The following CACNB2 variants were observed in gnomAD, a reference collection of about 807,000 sequenced individuals.
CACNB2 encodes voltage-dependent L-type calcium channel subunit beta-2.
A neutral mutation model predicts 73.3 loss-of-function variants in CACNB2; 42 were observed. That is an observed-to-expected ratio of 0.57 (90% CI 0.45 to 0.74). The LOEUF (loss-of-function observed/expected upper bound fraction) is 0.74, where lower values mean the gene tolerates loss of function less well. Among genes scored for constraint, CACNB2 ranks in the 30% least tolerant of loss-of-function variants. The pLI is 0.00. For missense variants in CACNB2, 940 were observed against 853.0 expected, an observed-to-expected ratio of 1.10 and a Z score of -1.27; for synonymous variants, 348 against 310.3, an observed-to-expected ratio of 1.12 and a Z score of -1.28.
At chr10:18,203,634 C>A (rs1341956352) in intron 2 of CACNB2, among the ~76,000 whole-genome samples, 2 of 152,002 alleles carry the variant, frequency 1.3e-5, no homozygotes, top group African/African-American at 2.4e-5. Context: ...AGAAACATAA[C>A]GGGGCGAGTG....
At chr10:18,382,227 A>G (rs2043049425) in intron 2 of CACNB2, among the ~76,000 whole-genome samples, 1 of 151,942 alleles carries the variant, frequency 6.6e-6, no homozygotes, top group African/African-American at 2.4e-5. Flanking sequence ...CATTGTCTAG[A>G]ATTTTCCAGA....
At chr10:18,275,884 C>T (rs531862003) in intron 2 of CACNB2, among the ~76,000 whole-genome samples, 1 of 152,150 alleles carries the variant, frequency 6.6e-6, no homozygotes, top group African/African-American at 2.4e-5. Context: ...ACTTTACTAT[C>T]AGTTGTTATT....
intron 2 of CACNB2, among the ~76,000 whole-genome samples, chr10:18,185,446 G>T (rs552416300): frequency 4.9e-4 from 74 of 152,240 alleles, no homozygotes; most frequent in Non-Finnish European, 8.2e-4. Context: ...TATTTGAGCA[G>T]GGTTATAATG....
chr10:18,470,429 A>G (rs2048122580), intron 3 of CACNB2, among the ~76,000 whole-genome samples: 1 of 150,032 alleles, frequency 6.7e-6, no homozygotes, highest in Admixed American at 6.7e-5. Context: ...CATATGGTGT[A>G]TATTATATGT....
At chr10:18,498,587 AG>A in intron 4 of CACNB2, 110 bp downstream of exon 4, 2 of 1,070,664 alleles carry the variant, frequency 1.9e-6, no homozygotes. Context: ...ACATCGCTGC[AG>A]TTGTATAACA....
intron 5 of CACNB2, among the ~76,000 whole-genome samples, chr10:18,501,581 G>A (rs932051803): frequency 2.6e-5 from 4 of 152,334 alleles, no homozygotes; most frequent in South Asian, 2.1e-4. Context: ...AAGGCTTCTC[G>A]TAGATGTACT....
chr10:18,390,804 A>G (rs535816404), intron 2 of CACNB2, among the ~76,000 whole-genome samples: 21 of 152,340 alleles, frequency 1.4e-4, no homozygotes, highest in African/African-American at 4.8e-4. Context: ...TATATTCGCA[A>G]CCATCTGTAA....
At chr10:18,258,129 C>A (rs560470250) in intron 2 of CACNB2, among the ~76,000 whole-genome samples, 1 of 152,176 alleles carries the variant, frequency 6.6e-6, no homozygotes, top group African/African-American at 2.4e-5. Context: ...CAGCACTGAG[C>A]AAACAGAAGG....
chr10:18,244,734 A>C (rs2036795304), intron 2 of CACNB2, among the ~76,000 whole-genome samples: 1 of 152,198 alleles, frequency 6.6e-6, no homozygotes, highest in South Asian at 2.1e-4. Context: ...TCGCCCCCCA[A>C]AGATGTCCAT....
At chr10:18,163,723 T>C (rs150766653) in intron 2 of CACNB2, among the ~76,000 whole-genome samples, 3 of 152,296 alleles carry the variant, frequency 2.0e-5, no homozygotes, top group African/African-American at 7.2e-5. Context: ...TTTGGAACTT[T>C]TCAAAATTAA....
At chr10:18,371,225 CTTTAAG>C (rs1008903502) in intron 2 of CACNB2, among the ~76,000 whole-genome samples, 1 of 151,694 alleles carries the variant, frequency 6.6e-6, no homozygotes, top group African/African-American at 2.4e-5. Flanking sequence ...TTTAATTATA[CTTTAAG>C]TTTTAGGGTA....
At chr10:18,539,103 G>C in intron 13 of CACNB2, 127 bp from the exon 14 acceptor site, 1 of 1,174,914 alleles carries the variant, frequency 8.5e-7, no homozygotes, top group African/African-American at 1.5e-5. Context: ...AAGGGATGAA[G>C]CTAGGTTAGA....
At chr10:18,286,805 G>T (rs1192735539) in intron 2 of CACNB2, among the ~76,000 whole-genome samples, 1 of 152,038 alleles carries the variant, frequency 6.6e-6, no homozygotes, top group African/African-American at 2.4e-5. Flanking sequence ...TATCACTGTG[G>T]CTTGTTACCA....
chr10:18,416,834 G>T (rs2044997094), intron 3 of CACNB2, among the ~76,000 whole-genome samples: 1 of 152,094 alleles, frequency 6.6e-6, no homozygotes, highest in South Asian at 2.1e-4. Context: ...AGTGGAAGCA[G>T]ATATAGTTAC....
intron 3 of CACNB2, among the ~76,000 whole-genome samples, chr10:18,487,838 C>CA (rs35224466): frequency 2.5e-3 from 347 of 136,162 alleles, no homozygotes; most frequent in Admixed American, 4.2e-3. Flanking sequence ...GACTCCATCT[C>CA]AAAAAAAAAA....
rs540335164 is a variant in CACNB2, at chr10:18,454,050, G to A, written c.334-44305G>A. ...AAGCCCAGCGCCTTTCCCACAATAG[G>A]TATTGTATAAATAATGAATGAATGA... On this transcript the variant is annotated intron_variant, in intron 3 of 13. Transcript: ENST00000324631. 3.1e-4 allele frequency among the ~76,000 whole-genome samples: 47 copies of A among 152,244 alleles called. No individual in the cohort carries two copies. The South Asian group carries it at 3.7e-3, about 12-fold the overall frequency.
At chr10:18,216,766 C>T (rs1397746775) in intron 2 of CACNB2, among the ~76,000 whole-genome samples, 2 of 152,120 alleles carry the variant, frequency 1.3e-5, no homozygotes, top group African/African-American at 2.4e-5. Context: ...TTCAGCTATT[C>T]CTTAATCTCT....
At chr10:18,201,964 T>C (rs2034900889) in intron 2 of CACNB2, among the ~76,000 whole-genome samples, 1 of 152,208 alleles carries the variant, frequency 6.6e-6, no homozygotes, top group Non-Finnish European at 1.5e-5. Context: ...TCTCATAATT[T>C]CTTCAACAAG....
chr10:18,449,002 G>T (rs1162867024), intron 3 of CACNB2, among the ~76,000 whole-genome samples: 1 of 152,166 alleles, frequency 6.6e-6, no homozygotes, highest in Non-Finnish European at 1.5e-5. Context: ...GTCTGTAAGT[G>T]AACAAATGGA....
Sources: gnomAD v4.1 joint callset for allele counts (sites outside exome capture counted in the v4.1 genomes callset) on GRCh38, gnomAD v4.1.1 for gene constraint, MANE v1.5 for transcripts, NCBI Gene and HGNC (gene_info 2026-07-23, HGNC 2026-07-21) for gene names.